Variants in RPL26L1 observed in about 807,000 individuals in gnomAD.
RPL26L1 encodes ribosomal protein uL24-like.
A neutral mutation model predicts 15.2 loss-of-function variants in RPL26L1; 8 were observed. That is an observed-to-expected ratio of 0.53 (90% confidence interval 0.31 to 0.95). The LOEUF is 0.95. RPL26L1 is among the 40% of genes least tolerant of loss of function. The pLI is 0.05. For synonymous variants in RPL26L1, 51 were observed against 65.9 expected (o/e 0.77, Z 1.09); for missense variants, 146 against 190.9 (o/e 0.76, Z 1.39).
intron 2 of RPL26L1, among the ~76,000 whole-genome samples, chr5:172,965,699 C>CT (rs769500307): frequency 2.6e-5 from 4 of 152,218 alleles, no homozygotes; most frequent in Non-Finnish European, 5.9e-5. Flanking sequence ...CCACATTAAT[C>CT]TCTCACAAGC....
intron 2 of RPL26L1, among the ~76,000 whole-genome samples, chr5:172,968,178 T>A (rs967891893): frequency 1.3e-5 from 2 of 151,798 alleles, no homozygotes; most frequent in Admixed American, 6.6e-5. Context: ...CATATATATG[T>A]ATATATATAT....
In RPL26L1 at chr5:172,959,887, C is replaced by G. The variant is rs1482092927; in HGVS notation, c.14C>G (p.Pro5Arg). 1 of 1,614,148 alleles carries G rather than the reference C, an allele frequency of 6.2e-7. No homozygotes were observed. ...TAGAGGGTCACCATGAAGTTCAATC[C>G]CTTCGTTACCTCGGACCGCAGTAAA... Reference protein sequence around the residue: MKFNPFVTSDRSKNR... With the variant: MKFNRFVTSDRSKNR... The change falls in exon 2 of 4, where the codon CCC becomes CGC. Residue 5 changes from proline (P) to arginine (R), a missense_variant. Transcript: ENST00000265100.
chr5:172,960,073 G>A (rs1329943049), intron 2 of RPL26L1, 32 bp downstream of exon 2: 3 of 1,613,014 alleles, frequency 1.9e-6, no homozygotes, highest in Admixed American at 1.7e-5. Context: ...GTGGCGCTCG[G>A]ACACCGTTGC....
At chr5:172,964,249 A>C (rs574656502) in intron 2 of RPL26L1, among the ~76,000 whole-genome samples, 8 of 149,064 alleles carry the variant, frequency 5.4e-5, no homozygotes, top group African/African-American at 2.0e-4. Context: ...TGCTGGGATT[A>C]CAGGCATGAG....
upstream of RPL26L1, chr5:172,954,898 A>AG: frequency 2.2e-6 from 1 of 455,944 alleles, no homozygotes; most frequent in Non-Finnish European, 4.4e-6. Flanking sequence ...AGGATTACAG[A>AG]GCAAAACCCT....
At chr5:172,962,100 AAAGT>A (rs1755252681) in intron 2 of RPL26L1, among the ~76,000 whole-genome samples, 1 of 152,200 alleles carries the variant, frequency 6.6e-6, no homozygotes, top group African/African-American at 2.4e-5. Flanking sequence ...TTCTACCTCC[AAAGT>A]AAGTCTTGAA....
upstream of RPL26L1, chr5:172,954,861 G>A (rs772589794): frequency 2.5e-4 from 110 of 446,744 alleles, 1 homozygote; most frequent in Middle Eastern, 6.9e-3. Context: ...GGATTACAGT[G>A]GTTTCATATA....
intron 2 of RPL26L1, among the ~76,000 whole-genome samples, chr5:172,962,068 A>G (rs1755250978): frequency 6.6e-6 from 1 of 152,206 alleles, no homozygotes; most frequent in Admixed American, 6.5e-5. Flanking sequence ...CCCTCTTGTA[A>G]TCTACCATCA....
chr5:172,959,699 G>C, intron 1 of RPL26L1, 166 bp from the exon 2 acceptor site: 1 of 1,084,580 alleles, frequency 9.2e-7, no homozygotes, highest in South Asian at 1.5e-5. Context: ...CTCACTTTAT[G>C]TGATAGTCAG....
Position 172,966,313 on chromosome 5 carries a change from A to ATTTTTTTT in RPL26L1, c.169-2124_169-2117dup, listed in dbSNP as rs386405707. Reference sequence around the variant, plus strand: ...CGCATGCCACCATGTCTGGCTAACTATTTTTTTTTTTTTTTTTTTTTTTTT... The same window carrying ATTTTTTTT: ...CGCATGCCACCATGTCTGGCTAACTATTTTTTTTTTTTTTTTTTTTTTTTTTTTTTTTT... On this transcript the variant is annotated intron_variant, in intron 2 of 3. Coordinates refer to ENST00000265100, the MANE Select transcript of RPL26L1 (RefSeq NM_016093.4). Among the ~76,000 whole-genome samples, 99 of 63,668 alleles carry ATTTTTTTT rather than the reference A, an allele frequency of 1.6e-3. 9 individuals are homozygous for ATTTTTTTT. The highest frequency in any genetic ancestry group is 2.0e-3 in the Admixed American group (7 of 3,584). 41.8% of individuals were successfully genotyped at this position (63,668 alleles called of 152,430 possible).
Position 172,959,946 on chromosome 5 carries a change from G to C in RPL26L1, c.73G>C (p.Val25Leu), listed in dbSNP as rs181294432. The change falls in exon 2 of 4, where the codon GTG becomes CTG. Residue 25 changes from valine (V) to leucine (L), a missense_variant. Transcript: ENST00000265100. ...ACGTCACTTCAATGCCCCCTCACAC[G>C]TGCGCAGGAAGATCATGTCATCCCC... ...RKRHFNAPSH[V>L]RRKIMSSPLS... is the part of the protein sequence containing the mutation. 1.2e-6 allele frequency: 2 copies of C among 1,614,066 alleles called. No homozygotes were observed. Among genetic ancestry groups the C allele is most frequent in the Admixed American group, 1.7e-5 (1 of 59,994 alleles).
At chr5:172,968,727 C>G in intron 3 of RPL26L1, 128 bp downstream of exon 3, 1 of 867,830 alleles carries the variant, frequency 1.2e-6, no homozygotes, top group East Asian at 3.4e-5. Flanking sequence ...GATTCAGTAG[C>G]TTTGTGATAT....
At chr5:172,967,783 TG>T (rs1410236051) in intron 2 of RPL26L1, among the ~76,000 whole-genome samples, 2 of 151,566 alleles carry the variant, frequency 1.3e-5, no homozygotes, top group African/African-American at 2.4e-5. Context: ...TATATACGTA[TG>T]TATACACATA....
intron 2 of RPL26L1, among the ~76,000 whole-genome samples, chr5:172,967,519 G>T (rs1054486621): frequency 6.6e-6 from 1 of 152,010 alleles, no homozygotes; most frequent in Non-Finnish European, 1.5e-5. Context: ...CCCTAATCTA[G>T]TTGGTTTTTG....
chr5:172,957,377 C>T (rs1327652125), upstream of RPL26L1: 2 of 413,084 alleles, frequency 4.8e-6, no homozygotes, highest in African/African-American at 2.1e-5. Context: ...ATCATGGATA[C>T]TCCTTGATGA....
upstream of RPL26L1, chr5:172,955,318 A>G (rs368504339): frequency 0.02 from 5,711 of 285,398 alleles, 326 homozygotes; most frequent in African/African-American, 0.12. Flanking sequence ...TAGGAGAAAC[A>G]GGGTTTCACC....
chr5:172,955,033 A>G (rs549318923), upstream of RPL26L1: 3 of 456,104 alleles, frequency 6.6e-6, no homozygotes, highest in East Asian at 7.0e-5. Context: ...TGTTGCAAAC[A>G]ACACTGGTTG....
In RPL26L1 at chr5:172,959,830, C is replaced by G. The variant is rs201100497; in HGVS notation, c.-9-35C>G. The G allele has an allele frequency of 1.0e-4, 164 of 1,605,780 alleles. 1 individual carries two copies. Among genetic ancestry groups the G allele is most frequent in the Non-Finnish European group, 1.1e-5 (13 of 1,172,842 alleles). On this transcript the variant is annotated intron_variant, in intron 1 of 3. Transcript: ENST00000265100. ...GAACAGGCCCCTGTAACCCACTGAG[C>G]GCCCCTTCATTCCGTCTCTCTCCGC...
chr5:172,968,396 AG>A, intron 2 of RPL26L1, 62 bp from the exon 3 acceptor site: 1 of 1,585,938 alleles, frequency 6.3e-7, no homozygotes, highest in South Asian at 1.1e-5. Context: ...CCTGATGGTT[AG>A]CTTCCTCTTT....
Sources: allele counts gnomAD v4.1 joint callset (sites outside exome capture counted in the v4.1 genomes callset), GRCh38; gene constraint gnomAD v4.1.1; transcripts MANE v1.5; gene names NCBI Gene and HGNC (gene_info 2026-07-23, HGNC 2026-07-21).